The following TMEM132D variants were observed in gnomAD, a reference collection of about 807,000 sequenced individuals.
The protein encoded by TMEM132D is transmembrane protein 132D.
In TMEM132D, 21 loss-of-function variants were observed where a neutral mutation model predicts 62.3. That is an observed-to-expected ratio of 0.34 (90% CI 0.24 to 0.49). The LOEUF (loss-of-function observed/expected upper bound fraction) is 0.49. TMEM132D is among the 20% of genes least tolerant of loss of function. TMEM132D has a pLI of 0.99. For synonymous variants in TMEM132D, 621 were observed against 575.6 expected (o/e 1.08, Z -1.13); for missense variants, 1,346 against 1,402.8 (o/e 0.96, Z 0.65).
intron 4 of TMEM132D, among the ~76,000 whole-genome samples, chr12:129,231,502 A>G (rs1879638515): frequency 6.6e-6 from 1 of 152,252 alleles, no homozygotes; most frequent in Non-Finnish European, 1.5e-5. Flanking sequence ...GATTTCCTCT[A>G]GTTCAGAGCA....
chr12:129,709,185 G>A (rs963230669), intron 1 of TMEM132D, among the ~76,000 whole-genome samples: 2 of 152,018 alleles, frequency 1.3e-5, no homozygotes, highest in Admixed American at 6.6e-5. Flanking sequence ...TCATGGTCGG[G>A]GTCAAATTTC....
chr12:129,265,436 TG>T (rs1880659976), intron 4 of TMEM132D, among the ~76,000 whole-genome samples: 1 of 152,194 alleles, frequency 6.6e-6, no homozygotes, highest in Non-Finnish European at 1.5e-5. Flanking sequence ...GGTCCGAATT[TG>T]GCACCTAGAA....
At chr12:129,387,763 A>G (rs1593360603) in intron 3 of TMEM132D, among the ~76,000 whole-genome samples, 1 of 149,406 alleles carries the variant, frequency 6.7e-6, no homozygotes, top group Non-Finnish European at 1.5e-5. Context: ...AGCAACACCA[A>G]TACTAACACC....
chr12:129,524,005 A>G (rs1875933900), intron 3 of TMEM132D, among the ~76,000 whole-genome samples: 1 of 152,000 alleles, frequency 6.6e-6, no homozygotes, highest in Non-Finnish European at 1.5e-5. Flanking sequence ...CTGAACTTGC[A>G]TTTCTCAAAC....
chr12:129,579,401 C>T (rs566628158), intron 2 of TMEM132D, among the ~76,000 whole-genome samples: 1 of 152,056 alleles, frequency 6.6e-6, no homozygotes, highest in Non-Finnish European at 1.5e-5. Flanking sequence ...CTTACACAAC[C>T]ACAAGGTGAA....
intron 4 of TMEM132D, among the ~76,000 whole-genome samples, chr12:129,275,597 C>T (rs769618844): frequency 6.6e-6 from 1 of 152,160 alleles, no homozygotes; most frequent in Non-Finnish European, 1.5e-5. Flanking sequence ...TACCAGGTAG[C>T]CCAGACACCA....
At chr12:129,697,667 C>T (rs1487492840) in intron 2 of TMEM132D, among the ~76,000 whole-genome samples, 1 of 152,156 alleles carries the variant, frequency 6.6e-6, no homozygotes, top group East Asian at 1.9e-4. Context: ...ATTTTCCAAA[C>T]TTTGACCTGT....
intron 1 of TMEM132D, among the ~76,000 whole-genome samples, chr12:129,810,576 C>A (rs2398482): frequency 0.1 from 6,182 of 61,570 alleles, 150 homozygotes; most frequent in South Asian, 0.18. Context: ...ACACACACCC[C>A]CCCACACTCT....
rs140383727 is a variant in TMEM132D at position 129,368,119 on chromosome 12, G to A, written c.1116-30302C>T. Among the ~76,000 whole-genome samples, 53 of 152,172 alleles carry A rather than the reference G, an allele frequency of 3.5e-4. 1 individual carries two copies. In the East Asian group the frequency reaches 0.01, roughly 29 times the overall value. On this transcript the variant is annotated intron_variant, in intron 3 of 8. Transcript: ENST00000422113. ...CTTTTTCCATTTCTTTAAAATTTGG[G>A]TTGCTGTTGTTTATAATTAAAATAC...
chr12:129,476,259 G>A (rs1874253212), intron 3 of TMEM132D, among the ~76,000 whole-genome samples: 1 of 152,180 alleles, frequency 6.6e-6, no homozygotes, highest in African/African-American at 2.4e-5. Context: ...AAACATTCTG[G>A]ACATTTGTAG....
intron 3 of TMEM132D, among the ~76,000 whole-genome samples, chr12:129,491,056 A>T (rs1874778906): frequency 1.3e-5 from 2 of 152,032 alleles, no homozygotes; most frequent in Admixed American, 1.3e-4. Flanking sequence ...TGGGGTCCCA[A>T]CTCTAAAAGT....
chr12:129,340,194 C>T (rs534785445), intron 3 of TMEM132D, among the ~76,000 whole-genome samples: 1 of 152,304 alleles, frequency 6.6e-6, no homozygotes, highest in South Asian at 2.1e-4. Context: ...TTTAGATTTT[C>T]CCTTTTTCTT....
chr12:129,891,292 A>G (rs940145869), intron 1 of TMEM132D, among the ~76,000 whole-genome samples: 1 of 151,676 alleles, frequency 6.6e-6, no homozygotes, highest in Non-Finnish European at 1.5e-5. Flanking sequence ...GACCTCATCC[A>G]CTCTAATCCC....
intron 2 of TMEM132D, among the ~76,000 whole-genome samples, chr12:129,602,398 G>A (rs558476533): frequency 1.8e-4 from 27 of 152,092 alleles, no homozygotes; most frequent in Admixed American, 1.1e-3. Context: ...ATGTTGCCTG[G>A]AATTTCACTG....
chr12:129,426,586 C>G (rs940539782), intron 3 of TMEM132D, among the ~76,000 whole-genome samples: 1 of 152,168 alleles, frequency 6.6e-6, no homozygotes, highest in South Asian at 2.1e-4. Context: ...TGAGCACACT[C>G]CCTCTCCATC....
intron 1 of TMEM132D, among the ~76,000 whole-genome samples, chr12:129,759,819 C>T (rs12306407): frequency 0.23 from 34,604 of 152,016 alleles, 3,990 homozygotes; most frequent in South Asian, 0.28. Flanking sequence ...TTTTCTAGAG[C>T]AGTGGGAGAA....
In TMEM132D at chr12:129,368,245, A is replaced by ATG. The variant is rs34221350; in HGVS notation, c.1116-30430_1116-30429dup. On this transcript the variant is annotated intron_variant, in intron 3 of 8. Coordinates refer to ENST00000422113, the MANE Select transcript of TMEM132D (RefSeq NM_133448.3). Reference sequence around the variant, plus strand: ...CCAACTGAAGATCTACATATGCAAAATGTGTGTGTGTGTGTGTGTACACAT... The same window carrying ATG: ...CCAACTGAAGATCTACATATGCAAAATGTGTGTGTGTGTGTGTGTGTACACAT... Among the ~76,000 whole-genome samples the ATG allele has an allele frequency of 7.3e-3, 1,100 of 151,290 alleles. 10 individuals carry two copies. Among genetic ancestry groups the ATG allele is most frequent in the African/African-American group, 0.02 (831 of 41,250 alleles).
intron 3 of TMEM132D, among the ~76,000 whole-genome samples, chr12:129,364,861 T>C (rs1041244867): frequency 6.6e-6 from 1 of 152,250 alleles, no homozygotes; most frequent in Non-Finnish European, 1.5e-5. Context: ...CAGTCTCACC[T>C]AGACTGGAGA....
intron 1 of TMEM132D, among the ~76,000 whole-genome samples, chr12:129,703,693 T>C (rs529574532): frequency 1.3e-5 from 2 of 152,254 alleles, no homozygotes; most frequent in South Asian, 4.2e-4. Flanking sequence ...TACTTTTTGA[T>C]TGGGTTCCGT....
Sources: gnomAD v4.1 joint callset for allele counts (sites outside exome capture counted in the v4.1 genomes callset) on GRCh38, gnomAD v4.1.1 for gene constraint, MANE v1.5 for transcripts, NCBI Gene and HGNC (gene_info 2026-07-23, HGNC 2026-07-21) for gene names.